Variants in CEP83 observed in about 807,000 individuals in gnomAD.
CEP83 encodes centrosomal protein 83, also known as centrosomal protein of 83 kDa.
A neutral mutation model predicts 101.9 loss-of-function variants in CEP83; 70 were observed. The ratio of observed to expected loss-of-function variants is 0.69; its 90% CI spans 0.57 to 0.84. CEP83 has a LOEUF of 0.84. Ranked by LOEUF, CEP83 falls within the 40% of genes least tolerant of loss-of-function variation. The probability of loss-of-function intolerance (pLI) is 0.00; values close to 1 mark genes in which losing one functional copy is unlikely to be tolerated. For missense variants in CEP83, 715 were observed against 787.2 expected (o/e 0.91, Z 1.10); for synonymous variants, 264 against 267.9 (o/e 0.99, Z 0.14).
At chr12:94,283,502 G>A in the CEP83 span, among the ~76,000 whole-genome samples, 2 of 152,324 alleles carry the variant, frequency 1.3e-5, no homozygotes, top group South Asian at 4.1e-4. Flanking sequence ...CCTAGACAGA[G>A]CTGATTTATC....
At chr12:94,392,997 C>T (rs2062652232) in intron 6 of CEP83, among the ~76,000 whole-genome samples, 1 of 151,910 alleles carries the variant, frequency 6.6e-6, no homozygotes, top group Admixed American at 6.6e-5. Context: ...GCCTACCAAC[C>T]AAAAAAAGTC....
chr12:94,363,801 A>G (rs1490810550), intron 11 of CEP83, among the ~76,000 whole-genome samples: 1 of 152,034 alleles, frequency 6.6e-6, no homozygotes, highest in Non-Finnish European at 1.5e-5. Context: ...TACAAAAATT[A>G]GCCAGGTATG....
chr12:94,419,355 A>G (rs2064538961), intron 2 of CEP83, among the ~76,000 whole-genome samples: 1 of 152,136 alleles, frequency 6.6e-6, no homozygotes, highest in Non-Finnish European at 1.5e-5. Flanking sequence ...TACTGAAACA[A>G]ACTAAAAAAG....
chr12:94,403,166 T>C lies in CEP83; in HGVS notation c.417+4A>G. On this transcript the variant is annotated splice_donor_region_variant and intron_variant, in intron 5 of 16. Transcript: ENST00000397809. The stretch of plus-strand genomic sequence containing the variant: ...ATGCATAGTAAACAACATAAGTTAC[T>C]TACTTCATCTAGATTCCTAAAACGT... 7.1e-7 allele frequency: 1 copy of C among 1,415,866 alleles called. No homozygotes were observed. The highest frequency in any genetic ancestry group is 1.0e-6 in the Non-Finnish European group (1 of 1,002,154). 87.7% of individuals were successfully genotyped at this position (1,415,866 alleles called of 1,614,324 possible). A position where few individuals can be genotyped will look rare whatever the true frequency, so the allele number is the denominator to read the frequency against.
At chr12:94,327,809 A>G (rs905573573) in intron 14 of CEP83, among the ~76,000 whole-genome samples, 3 of 152,226 alleles carry the variant, frequency 2.0e-5, no homozygotes, top group South Asian at 2.1e-4. Context: ...TAAGTTTACT[A>G]TAACAGCTTC....
intron 2 of CEP83, among the ~76,000 whole-genome samples, chr12:94,418,984 T>C (rs1426430707): frequency 6.6e-6 from 1 of 151,988 alleles, no homozygotes; most frequent in Non-Finnish European, 1.5e-5. Flanking sequence ...AGAAAGTCCA[T>C]TATTGCTACT....
At position 94,452,193 on chromosome 12, in the gene CEP83, T is replaced by C. The variant is rs139956389; in HGVS notation, c.-155+7364A>G. Among the ~76,000 whole-genome samples, 161 of 152,236 alleles carry C rather than the reference T, an allele frequency of 1.1e-3. 1 individual carries two copies. Among genetic ancestry groups the C allele is most frequent in the Middle Eastern group, 3.4e-3 (1 of 294 alleles). On this transcript the variant is annotated intron_variant, in intron 1 of 16. Coordinates refer to ENST00000397809, the MANE Select transcript of CEP83 (RefSeq NM_016122.3). ...GTTCTCTGGGGCTGTGGGAAGGAGT[T>C]ACCTTAAATGCAAATAAGCTTGAGA... is the stretch of plus-strand genomic sequence containing the variant.
At chr12:94,405,261 G>T (rs2063471809) in intron 4 of CEP83, among the ~76,000 whole-genome samples, 1 of 152,168 alleles carries the variant, frequency 6.6e-6, no homozygotes, top group Admixed American at 6.5e-5. Flanking sequence ...CTGAACAAAG[G>T]TGGGATATTA....
intron 3 of CEP83, 97 bp from the exon 4 acceptor site, chr12:94,411,944 C>T (rs1228569860): frequency 1.1e-6 from 1 of 903,134 alleles, no homozygotes; most frequent in African/African-American, 1.7e-5. Context: ...AAAAACAAGA[C>T]CAATATCACA....
At chr12:94,393,885 G>A (rs1392528280) in intron 6 of CEP83, among the ~76,000 whole-genome samples, 2 of 152,118 alleles carry the variant, frequency 1.3e-5, no homozygotes, top group Non-Finnish European at 1.5e-5. Context: ...TTGCTACAAA[G>A]AGAATAAAAT....
At chr12:94,449,463 T>TTA (rs1239742652) in intron 1 of CEP83, among the ~76,000 whole-genome samples, 5 of 151,752 alleles carry the variant, frequency 3.3e-5, no homozygotes, top group Admixed American at 1.3e-4. Flanking sequence ...ATAACAGAGA[T>TTA]TATACAGCAC....
At chr12:94,309,402 G>C (rs759218933) in intron 16 of CEP83, among the ~76,000 whole-genome samples, 9 of 152,072 alleles carry the variant, frequency 5.9e-5, no homozygotes, top group Non-Finnish European at 1.2e-4. Context: ...GAAAGAGCCC[G>C]GGTTTTGGAT....
intron 6 of CEP83, among the ~76,000 whole-genome samples, chr12:94,388,979 T>C (rs547165123): frequency 6.6e-6 from 1 of 152,142 alleles, no homozygotes; most frequent in African/African-American, 2.4e-5. Flanking sequence ...ATAGAAAAAT[T>C]AGCTGGGTGT....
chr12:94,323,127 C>G, intron 14 of CEP83, among the ~76,000 whole-genome samples: 1 of 152,176 alleles, frequency 6.6e-6, no homozygotes, highest in Non-Finnish European at 1.5e-5. Context: ...TCTTATCCTG[C>G]AAGGTGCCAT....
chr12:94,424,708 G>T, intron 2 of CEP83: 1 of 1,608,614 alleles, frequency 6.2e-7, no homozygotes, highest in Non-Finnish European at 8.5e-7. Flanking sequence ...TGTCCAGTAC[G>T]GCCTTAGTGG....
rs2062079986 is a variant in CEP83, at chr12:94,385,375, G to C, written c.550-6333C>G. The stretch of plus-strand genomic sequence containing the variant: ...CCTCTGACATGACCCAGGATGTCAT[G>C]TCAGAGCAGGATGAGGGCAGGGTAC... On this transcript the variant is annotated intron_variant, in intron 6 of 16. Transcript: ENST00000397809. Among the ~76,000 whole-genome samples, 5 of 152,260 alleles carry C rather than the reference G, an allele frequency of 3.3e-5. No homozygotes were observed. The South Asian group carries it at 1.0e-3, about 32-fold the overall frequency.
the CEP83 span, among the ~76,000 whole-genome samples, chr12:94,290,824 A>C: frequency 6.6e-6 from 1 of 152,248 alleles, no homozygotes; most frequent in Admixed American, 6.5e-5. Flanking sequence ...GGAGCTTCAG[A>C]ATGGAGGGAA....
At chr12:94,403,118 A>C (rs564977300) in intron 5 of CEP83, 52 bp downstream of exon 5, 1 of 941,216 alleles carries the variant, frequency 1.1e-6, no homozygotes, top group African/African-American at 1.6e-5. Context: ...CTTTTCATCA[A>C]GACTTTGATC....
chr12:94,414,172 A>C lies in CEP83; in HGVS notation c.-101-1581T>G, dbSNP rs150173634. On this transcript the variant is annotated intron_variant, in intron 2 of 16. Transcript: ENST00000397809. Reference sequence around the variant, plus strand: ...CACGCACTGGGATTCAATCTTTGTAAATACAGAATGCGCTATCTGTAGCAG... The same window carrying C: ...CACGCACTGGGATTCAATCTTTGTACATACAGAATGCGCTATCTGTAGCAG... Among the ~76,000 whole-genome samples, 474 of 152,324 alleles carry C rather than the reference A, an allele frequency of 3.1e-3. 2 individuals carry two copies. The highest frequency in any genetic ancestry group is 5.0e-3 in the Non-Finnish European group (340 of 68,028).
Sources: gnomAD v4.1 joint callset for allele counts (sites outside exome capture counted in the v4.1 genomes callset) on GRCh38, gnomAD v4.1.1 for gene constraint, MANE v1.5 for transcripts, NCBI Gene and HGNC (gene_info 2026-07-23, HGNC 2026-07-21) for gene names.